The following PCDH15 variants were observed in gnomAD, a reference collection of about 807,000 sequenced individuals.
The protein encoded by PCDH15 is protocadherin related 15.
In PCDH15, 129 loss-of-function variants were observed where a neutral mutation model predicts 178.5. That is an observed-to-expected ratio of 0.72 (90% CI 0.63 to 0.84). The LOEUF (loss-of-function observed/expected upper bound fraction) is 0.84. PCDH15 is among the 40% of genes least tolerant of loss of function. The pLI is 0.00. For synonymous variants in PCDH15, 800 were observed against 732.0 expected (o/e 1.09, Z -1.50); for missense variants, 2,230 against 2,099.9 (o/e 1.06, Z -1.21).
intron 26 of PCDH15, among the ~76,000 whole-genome samples, chr10:53,884,093 C>T (rs1453798923): frequency 2.0e-5 from 3 of 152,180 alleles, no homozygotes; most frequent in African/African-American, 4.8e-5. Flanking sequence ...AAAAATAGCA[C>T]TGCTCAATCT....
intron 21 of PCDH15, among the ~76,000 whole-genome samples, chr10:53,988,304 C>T (rs2091243731): frequency 6.6e-6 from 1 of 152,168 alleles, no homozygotes; most frequent in Non-Finnish European, 1.5e-5. Flanking sequence ...TCTGCCAGCC[C>T]CATGGTACAG....
chr10:54,153,039 A>G, intron 14 of PCDH15, 61 bp downstream of exon 14: 1 of 1,583,874 alleles, frequency 6.3e-7, no homozygotes, highest in Non-Finnish European at 8.6e-7. Flanking sequence ...CGCTTCTTAA[A>G]TTTAATTACA....
intron 2 of PCDH15, among the ~76,000 whole-genome samples, chr10:55,440,508 A>C (rs1839156151): frequency 6.6e-6 from 1 of 152,210 alleles, no homozygotes. Context: ...GGTATGTTTT[A>C]ATAGAGAAAA....
intron 3 of PCDH15, among the ~76,000 whole-genome samples, chr10:54,512,358 A>ATT (rs1374974932): frequency 2.4e-3 from 141 of 58,972 alleles, no homozygotes; most frequent in East Asian, 0.016. Flanking sequence ...CATTTCTGGC[A>ATT]TTGTGTGTGT....
intron 15 of PCDH15, among the ~76,000 whole-genome samples, chr10:54,110,347 G>T (rs532723574): frequency 1.3e-5 from 2 of 151,578 alleles, no homozygotes; most frequent in Non-Finnish European, 2.9e-5. Context: ...AGAGTAAATG[G>T]TATGGGATCA....
At chr10:55,555,062 A>G (rs1186056597) in intron 2 of PCDH15, among the ~76,000 whole-genome samples, 1 of 152,118 alleles carries the variant, frequency 6.6e-6, no homozygotes, top group Non-Finnish European at 1.5e-5. Context: ...TTCCATAATT[A>G]ATAAAGTAAT....
chr10:54,013,606 C>G (rs1336369613), intron 20 of PCDH15, among the ~76,000 whole-genome samples: 3 of 152,130 alleles, frequency 2.0e-5, no homozygotes, highest in Non-Finnish European at 4.4e-5. Context: ...CTAAGAAAAA[C>G]ATTCAAAACC....
chr10:55,082,426 A>C (rs1276256901), intron 2 of PCDH15, among the ~76,000 whole-genome samples: 1 of 151,982 alleles, frequency 6.6e-6, no homozygotes, highest in Non-Finnish European at 1.5e-5. Flanking sequence ...CTAAGAGGAA[A>C]TTTTATAGCA....
At chr10:55,312,817 A>G (rs372691538) in intron 1 of PCDH15, among the ~76,000 whole-genome samples, 2 of 152,052 alleles carry the variant, frequency 1.3e-5, no homozygotes, top group African/African-American at 2.4e-5. Flanking sequence ...GGGATTCTCC[A>G]TGTTGGTCAG....
intron 2 of PCDH15, among the ~76,000 whole-genome samples, chr10:55,486,718 G>T (rs1053308587): frequency 6.6e-6 from 1 of 151,288 alleles, no homozygotes; most frequent in African/African-American, 2.4e-5. Flanking sequence ...TGTTGATCAG[G>T]CTCATCTCAA....
intron 1 of PCDH15, among the ~76,000 whole-genome samples, chr10:55,287,674 AGTGTGTGTGTAT>A (rs968986792): frequency 4.0e-5 from 6 of 151,604 alleles, no homozygotes; most frequent in African/African-American, 1.5e-4. Flanking sequence ...TTTCTTGTGT[AGTGTGTGTGTAT>A]GTGTGTGTTT....
intron 29 of PCDH15, among the ~76,000 whole-genome samples, chr10:53,839,306 A>G (rs2077502019): frequency 6.6e-6 from 1 of 151,944 alleles, no homozygotes; most frequent in African/African-American, 2.4e-5. Flanking sequence ...TATTGCCAAA[A>G]TAGAAGTGAT....
At chr10:53,908,164 A>T (rs993161952) in intron 25 of PCDH15, among the ~76,000 whole-genome samples, 1 of 152,184 alleles carries the variant, frequency 6.6e-6, no homozygotes, top group African/African-American at 2.4e-5. Context: ...GGATAGGGGA[A>T]CGTAGTGCTA....
intron 2 of PCDH15, among the ~76,000 whole-genome samples, chr10:55,539,502 A>G (rs1841708067): frequency 6.6e-6 from 1 of 152,064 alleles, no homozygotes; most frequent in African/African-American, 2.4e-5. Context: ...ACTTCAAAAG[A>G]AAGTAAAATG....
At chr10:54,866,267 A>G (rs923460549) in intron 3 of PCDH15, among the ~76,000 whole-genome samples, 7 of 152,200 alleles carry the variant, frequency 4.6e-5, no homozygotes, top group Non-Finnish European at 1.0e-4. Context: ...TTACCACAGT[A>G]AATTTAATTT....
At chr10:53,981,291 T>C (rs1218211387) in intron 21 of PCDH15, among the ~76,000 whole-genome samples, 1 of 152,236 alleles carries the variant, frequency 6.6e-6, no homozygotes, top group African/African-American at 2.4e-5. Flanking sequence ...ACAATATGTT[T>C]CGACTTAGTT....
At chr10:53,849,332 T>A (rs899334805) in intron 28 of PCDH15, among the ~76,000 whole-genome samples, 1 of 152,100 alleles carries the variant, frequency 6.6e-6, no homozygotes, top group African/African-American at 2.4e-5. Flanking sequence ...GTTGATTTAT[T>A]TTGTATATGT....
At chr10:55,195,653 TAAAAA>T (rs5785123) in intron 1 of PCDH15, among the ~76,000 whole-genome samples, 1 of 118,138 alleles carries the variant, frequency 8.5e-6, no homozygotes, top group Non-Finnish European at 1.7e-5. Context: ...AAACTCCATC[TAAAAA>T]AAAAAAAAAA....
intron 15 of PCDH15, 42 bp downstream of exon 15, chr10:54,132,833 G>T (rs551131982): frequency 7.8e-6 from 12 of 1,540,002 alleles, no homozygotes; most frequent in Non-Finnish European, 1.1e-5. Context: ...TGTCACTTTA[G>T]AATTTATACA....
Sources: allele counts gnomAD v4.1 joint callset (sites outside exome capture counted in the v4.1 genomes callset), GRCh38; gene constraint gnomAD v4.1.1; transcripts MANE v1.5; gene names NCBI Gene and HGNC (gene_info 2026-07-23, HGNC 2026-07-21).